SLC35F5: variants seen among roughly 807,000 people sequenced by gnomAD.
The protein encoded by SLC35F5 is HCV NS5A-transactivated protein 3.
Under a neutral mutation model 68.6 loss-of-function variants are expected in SLC35F5, and 54 were observed. The ratio of observed to expected loss-of-function variants is 0.79; its 90% confidence interval spans 0.63 to 0.99. The LOEUF (loss-of-function observed/expected upper bound fraction) is 0.99, where lower values mean the gene tolerates loss of function less well. Ranked by LOEUF, SLC35F5 falls within the 50% of genes least tolerant of loss-of-function variation. The pLI is 0.00. For missense variants in SLC35F5, 567 were observed against 626.9 expected, an observed-to-expected ratio of 0.90 and a Z score of 1.02; for synonymous variants, 211 against 205.2, an observed-to-expected ratio of 1.03 and a Z score of -0.24.
At chr2:113,726,915 C>A (rs191121283) in intron 11 of SLC35F5, among the ~76,000 whole-genome samples, 1 of 152,154 alleles carries the variant, frequency 6.6e-6, no homozygotes. Flanking sequence ...GAACTCCCCA[C>A]AAAAAATCAC....
intron 14 of SLC35F5, among the ~76,000 whole-genome samples, chr2:113,718,936 G>A (rs946160256): frequency 9.6e-4 from 127 of 131,714 alleles, no homozygotes; most frequent in Non-Finnish European, 1.3e-3. Flanking sequence ...AAAAAGAAAG[G>A]AAGAAAGGAA....
chr2:113,722,763 A>G (rs892000599), intron 13 of SLC35F5, among the ~76,000 whole-genome samples: 2 of 152,194 alleles, frequency 1.3e-5, no homozygotes, highest in African/African-American at 4.8e-5. Flanking sequence ...AGTGTTAAGG[A>G]GCCTGTGATA....
At chr2:113,705,858 TG>T (rs1396690093), downstream of SLC35F5, among the ~76,000 whole-genome samples, 21 of 152,094 alleles carry the variant, frequency 1.4e-4, no homozygotes, top group Non-Finnish European at 3.1e-4. Context: ...TATATATGTT[TG>T]GTTTTAAAGA....
At chr2:113,734,508 C>T in intron 9 of SLC35F5, 78 bp downstream of exon 9, 1 of 807,670 alleles carries the variant, frequency 1.2e-6, no homozygotes, top group East Asian at 2.6e-5. Flanking sequence ...ACAATACAAA[C>T]TACCCTGGTG....
downstream of SLC35F5, among the ~76,000 whole-genome samples, chr2:113,703,244 A>G (rs1574188642): frequency 1.3e-5 from 2 of 152,142 alleles, no homozygotes; most frequent in South Asian, 4.1e-4. Flanking sequence ...AACAGATCTT[A>G]AAGTAAAACT....
chr2:113,705,349 C>G (rs1453664181), downstream of SLC35F5: 2 of 152,232 alleles, frequency 1.3e-5, no homozygotes, highest in South Asian at 2.1e-4. Flanking sequence ...TTCAAGAGAT[C>G]GAGACCATCC....
At chr2:113,704,774 G>T (rs1254981977), downstream of SLC35F5, among the ~76,000 whole-genome samples, 2 of 151,980 alleles carry the variant, frequency 1.3e-5, no homozygotes, top group African/African-American at 4.8e-5. Flanking sequence ...CCCTGTTCCC[G>T]CCCTCGCCTC....
chr2:113,754,412 G>C (rs1403174147), intron 3 of SLC35F5, among the ~76,000 whole-genome samples: 2 of 151,916 alleles, frequency 1.3e-5, no homozygotes, highest in Non-Finnish European at 2.9e-5. Flanking sequence ...TGAAAATTAG[G>C]TTCATTTTAT....
In SLC35F5 at chr2:113,712,985, A is replaced by G; in HGVS notation, c.*2233T>C. 6.6e-6 allele frequency: 1 copy of G among 152,204 alleles called. No individual in the cohort carries two copies. The highest frequency in any genetic ancestry group is 1.9e-4 in the East Asian group (1 of 5,186). The allele number at this position is 152,204 out of a possible 1,614,324, so 9.4% of individuals were successfully genotyped here. A position where few individuals can be genotyped will look rare whatever the true frequency, so the allele number is the denominator to read the frequency against. On this transcript the variant is annotated 3_prime_UTR_variant, in exon 16 of 16. Transcript: ENST00000245680. Reference sequence around the variant, plus strand: ...TTTCTAGGTGATCTACAGAATTGAAACAACCCAGCACAACTTTATTTCTTG... The same window carrying G: ...TTTCTAGGTGATCTACAGAATTGAAGCAACCCAGCACAACTTTATTTCTTG...
intron 3 of SLC35F5, among the ~76,000 whole-genome samples, chr2:113,750,948 C>T (rs1417637186): frequency 1.3e-5 from 2 of 152,238 alleles, no homozygotes; most frequent in Non-Finnish European, 2.9e-5. Flanking sequence ...ATTTCAAGAC[C>T]TGCCTGGGCA....
At chr2:113,730,770 T>C (rs1311848004) in intron 10 of SLC35F5, among the ~76,000 whole-genome samples, 2 of 152,188 alleles carry the variant, frequency 1.3e-5, no homozygotes, top group African/African-American at 4.8e-5. Flanking sequence ...TTGTTAAGTC[T>C]AAGCAATGGA....
chr2:113,756,331 G>A, intron 1 of SLC35F5, 39 bp downstream of exon 1: 3 of 1,558,484 alleles, frequency 1.9e-6, no homozygotes, highest in Non-Finnish European at 1.7e-6. Flanking sequence ...GTCCCGGTTT[G>A]GGCTCCGGTG....
At position 113,756,401 on chromosome 2, in the gene SLC35F5, C is replaced by A. The variant is rs762713417; in HGVS notation, c.9G>T (p.Pro3=). The change falls in exon 1 of 16, where the codon CCG becomes CCT. Residue 3 remains proline (P), a synonymous_variant. Transcript: ENST00000245680. MV[P]PRRHRGAGRP... Reference sequence around the variant, plus strand: ...TTCCTGCCCCGCGATGGCGTCGTGGCGGCACCATGAGCGGACCGGTCAGGC... The same window carrying A: ...TTCCTGCCCCGCGATGGCGTCGTGGAGGCACCATGAGCGGACCGGTCAGGC... The A allele has an allele frequency of 3.8e-6, 6 of 1,561,648 alleles. No homozygotes were observed. The highest frequency in any genetic ancestry group is 2.4e-5 in the East Asian group (1 of 41,714).
At position 113,746,315 on chromosome 2, in the gene SLC35F5, CA is replaced by C. The variant is rs1559357696; in HGVS notation, c.441del (p.Phe147LeufsTer10). ...ATAGTTGTATCTGTTGTGCAAGCAG[CA>C]AAGTAACCTTCAGCATCTGCAAACT... is the stretch of plus-strand genomic sequence containing the variant. ...AAFFADAEGYFAACTTDTTMN... is the reference protein window; with the variant it reads ...AAFFADAEGYXAACTTDTTMN... On this transcript the variant is annotated frameshift_variant, in exon 5 of 16. Transcript: ENST00000245680. LOFTEE classifies it high-confidence loss of function. The C allele has an allele frequency of 1.2e-6, 2 of 1,613,240 alleles. No homozygotes were observed. The highest frequency in any genetic ancestry group is 1.1e-5 in the South Asian group (1 of 91,066).
intron 14 of SLC35F5, 102 bp downstream of exon 14, chr2:113,719,052 A>G (rs1264119142): frequency 2.8e-6 from 3 of 1,085,796 alleles, no homozygotes; most frequent in Admixed American, 2.7e-5. Context: ...ATCATCTTTC[A>G]ATAATTCCTC....
intron 12 of SLC35F5, 75 bp from the exon 13 acceptor site, chr2:113,723,269 T>C (rs2104988593): frequency 9.8e-7 from 1 of 1,020,048 alleles, no homozygotes; most frequent in Non-Finnish European, 1.4e-6. Context: ...AGACTTTCTA[T>C]CCTATAATAT....
chr2:113,716,364 A>C (rs1687183207), intron 15 of SLC35F5, among the ~76,000 whole-genome samples: 1 of 152,230 alleles, frequency 6.6e-6, no homozygotes, highest in Non-Finnish European at 1.5e-5. Context: ...GTAGTAACAG[A>C]GAATCTCTGG....
At position 113,714,753 on chromosome 2, in the gene SLC35F5, A is replaced by G. The variant is rs1199611974; in HGVS notation, c.*465T>C. The G allele has an allele frequency of 6.6e-6, 1 of 152,308 alleles. No individual in the cohort carries two copies. Among genetic ancestry groups the G allele is most frequent in the Non-Finnish European group, 1.5e-5 (1 of 67,980 alleles). 9.4% of individuals were successfully genotyped at this position (152,308 alleles called of 1,614,324 possible). ...AATTTGCAATATTCTACAAAACCCAAAAATATAATCCACACTTATTACAGG... is the reference window on the plus strand; with the variant it reads ...AATTTGCAATATTCTACAAAACCCAGAAATATAATCCACACTTATTACAGG... On this transcript the variant is annotated 3_prime_UTR_variant, in exon 16 of 16. Coordinates refer to ENST00000245680, the MANE Select transcript of SLC35F5 (RefSeq NM_025181.5).
chr2:113,723,211 A>G lies in SLC35F5; in HGVS notation c.1251-17T>C, dbSNP rs375858698. On this transcript the variant is annotated splice_polypyrimidine_tract_variant and intron_variant, in intron 12 of 15. Coordinates refer to ENST00000245680, the MANE Select transcript of SLC35F5 (RefSeq NM_025181.5). ...AAGCAGCCCCTAAAAAAAAGAAAAT[A>G]TACATTTCTATATTTAAAAAATTAA... The G allele has an allele frequency of 1.1e-4, 165 of 1,528,014 alleles. No individual in the cohort carries two copies. Among genetic ancestry groups the G allele is most frequent in the Non-Finnish European group, 1.4e-4 (154 of 1,136,468 alleles). 94.7% of individuals were successfully genotyped at this position (1,528,014 alleles called of 1,614,324 possible).
Sources: gnomAD v4.1 joint callset for allele counts (sites outside exome capture counted in the v4.1 genomes callset) on GRCh38, gnomAD v4.1.1 for gene constraint, MANE v1.5 for transcripts, NCBI Gene and HGNC (gene_info 2026-07-23, HGNC 2026-07-21) for gene names.